SNTG1: variants seen among roughly 807,000 people sequenced by gnomAD.
SNTG1 encodes the protein gamma-1-syntrophin.
A neutral mutation model predicts 74.7 loss-of-function variants in SNTG1; 39 were observed. That is an observed-to-expected ratio of 0.52 (90% CI 0.40 to 0.68). The LOEUF is 0.68. Among genes scored for constraint, SNTG1 ranks in the 30% least tolerant of loss-of-function variants. The pLI is 0.00. For missense variants in SNTG1, 685 were observed against 609.5 expected, an observed-to-expected ratio of 1.12 and a Z score of -1.30; for synonymous variants, 254 against 217.1, an observed-to-expected ratio of 1.17 and a Z score of -1.49.
chr8:49,923,594 A>G (rs2129346232), intron 1 of SNTG1, among the ~76,000 whole-genome samples: 1 of 152,256 alleles, frequency 6.6e-6, no homozygotes, highest in East Asian at 1.9e-4. Context: ...GAGTCCTAGG[A>G]GGAAGATGGC....
chr8:50,546,137 A>T (rs1413960457), intron 11 of SNTG1, among the ~76,000 whole-genome samples: 5 of 152,142 alleles, frequency 3.3e-5, no homozygotes, highest in African/African-American at 1.2e-4. Context: ...GAAAGAGTAG[A>T]TTGTATCAAC....
At position 50,757,421 on chromosome 8, in the gene SNTG1, G is replaced by A. The variant is rs75499549; in HGVS notation, c.1395+5310G>A. 1.8e-3 allele frequency among the ~76,000 whole-genome samples: 271 copies of A among 151,782 alleles called. 2 individuals are homozygous for A. The highest frequency in any genetic ancestry group is 3.2e-3 in the Non-Finnish European group (215 of 67,788). ...TTTTTTGGATAATTTATTTACCGTT[G>A]CTTAATGTCCCTCTTTTTCCCTAAA... On this transcript the variant is annotated intron_variant, in intron 18 of 18. Transcript: ENST00000642720.
chr8:50,441,860 T>C (rs1482054866), intron 5 of SNTG1, among the ~76,000 whole-genome samples: 1 of 152,178 alleles, frequency 6.6e-6, no homozygotes, highest in African/African-American at 2.4e-5. Context: ...AATTACTGAT[T>C]TATCTTCATG....
chr8:50,481,933 G>A (rs1420399663), intron 8 of SNTG1, among the ~76,000 whole-genome samples: 1 of 152,186 alleles, frequency 6.6e-6, no homozygotes, highest in African/African-American at 2.4e-5. Context: ...TCCCAGCAGT[G>A]AATGGAAACA....
intron 1 of SNTG1, among the ~76,000 whole-genome samples, chr8:50,043,593 G>A (rs910657527): frequency 6.6e-6 from 1 of 152,176 alleles, no homozygotes; most frequent in African/African-American, 2.4e-5. Flanking sequence ...TCTTGAAGCT[G>A]ACTATGCGTT....
intron 1 of SNTG1, among the ~76,000 whole-genome samples, chr8:50,147,446 G>A (rs1170998477): frequency 6.6e-6 from 1 of 152,068 alleles, no homozygotes; most frequent in East Asian, 1.9e-4. Flanking sequence ...TACCTTATTT[G>A]GAAAACTTGT....
intron 1 of SNTG1, among the ~76,000 whole-genome samples, chr8:49,988,983 T>C (rs1813429909): frequency 6.6e-6 from 1 of 151,996 alleles, no homozygotes; most frequent in Non-Finnish European, 1.5e-5. Flanking sequence ...CACAAAAATG[T>C]CATAAATTCT....
chr8:50,393,088 ATAAT>A lies in SNTG1; in HGVS notation c.-27-1120_-27-1117del, dbSNP rs1417398392. 4.6e-5 allele frequency among the ~76,000 whole-genome samples: 7 copies of A among 152,274 alleles called. No homozygotes were observed. The South Asian group carries it at 8.3e-4, about 18-fold the overall frequency. ...AAATGTTTAAGAGCAATTTTGAAAA[ATAAT>A]TAAGTTAGTAATAAAAATTTCATTA... On this transcript the variant is annotated intron_variant, in intron 2 of 18. Coordinates refer to ENST00000642720, the MANE Select transcript of SNTG1 (RefSeq NM_018967.5).
chr8:50,163,439 C>T (rs1208609000), intron 1 of SNTG1: 6 of 147,714 alleles, frequency 4.1e-5, no homozygotes, highest in South Asian at 2.2e-4. Flanking sequence ...AATAAACAAA[C>T]TAAGTATTAC....
intron 18 of SNTG1, 106 bp downstream of exon 18, chr8:50,752,217 T>G: frequency 1.9e-6 from 1 of 516,900 alleles, no homozygotes. Flanking sequence ...ACACACATTC[T>G]CTGCTCATCT....
chr8:50,264,069 C>T (rs1242717759), intron 2 of SNTG1, among the ~76,000 whole-genome samples: 1 of 152,098 alleles, frequency 6.6e-6, no homozygotes, highest in Non-Finnish European at 1.5e-5. Context: ...AAACATTAAG[C>T]ATTCTCGAAT....
chr8:50,281,832 C>G (rs752781418), intron 2 of SNTG1, among the ~76,000 whole-genome samples: 1 of 152,090 alleles, frequency 6.6e-6, no homozygotes, highest in East Asian at 1.9e-4. Context: ...AGCAATTGAA[C>G]GTATAGGATC....
intron 1 of SNTG1, among the ~76,000 whole-genome samples, chr8:49,919,876 G>C (rs866585928): frequency 5.9e-5 from 9 of 152,072 alleles, no homozygotes; most frequent in African/African-American, 2.2e-4. Flanking sequence ...TAAAACTCCC[G>C]AAAGTAGATT....
chr8:50,162,581 A>C (rs2082461224), intron 1 of SNTG1, among the ~76,000 whole-genome samples: 1 of 151,188 alleles, frequency 6.6e-6, no homozygotes, highest in Non-Finnish European at 1.5e-5. Flanking sequence ...AAAAAAAGAA[A>C]AAAAAAGAAA....
At chr8:50,170,559 G>A (rs1040511973) in intron 1 of SNTG1, among the ~76,000 whole-genome samples, 30 of 152,056 alleles carry the variant, frequency 2.0e-4, no homozygotes, top group African/African-American at 7.2e-4. Context: ...TCGTGTATTG[G>A]TTATCTATTG....
chr8:50,320,063 C>T lies in SNTG1; in HGVS notation c.-27-74149C>T, dbSNP rs188250265. 2.0e-3 allele frequency among the ~76,000 whole-genome samples: 307 copies of T among 152,278 alleles called. 1 individual carries two copies. The highest frequency in any genetic ancestry group is 7.0e-3 in the African/African-American group (292 of 41,564). Reference sequence around the variant, plus strand: ...AAGTATTTGCTCTTCCTCTGTGTTTCAGAACAGTTTGAGTAGGATTGGTGT... The same window carrying T: ...AAGTATTTGCTCTTCCTCTGTGTTTTAGAACAGTTTGAGTAGGATTGGTGT... On this transcript the variant is annotated intron_variant, in intron 2 of 18. Transcript: ENST00000642720.
chr8:50,374,697 T>C (rs1325165789), intron 2 of SNTG1, among the ~76,000 whole-genome samples: 1 of 152,214 alleles, frequency 6.6e-6, no homozygotes, highest in Non-Finnish European at 1.5e-5. Flanking sequence ...CCTCAGCCTT[T>C]TTTCATGCCC....
At chr8:50,289,102 T>C (rs1440792759) in intron 2 of SNTG1, among the ~76,000 whole-genome samples, 3 of 152,200 alleles carry the variant, frequency 2.0e-5, no homozygotes, top group Non-Finnish European at 4.4e-5. Context: ...ATGGTAATGT[T>C]CAACCTTTAG....
At chr8:49,998,169 C>G (rs1055919751) in intron 1 of SNTG1, among the ~76,000 whole-genome samples, 1 of 152,046 alleles carries the variant, frequency 6.6e-6, no homozygotes, top group South Asian at 2.1e-4. Flanking sequence ...TAAAGTACAG[C>G]AAAAATACAG....
Sources: gnomAD v4.1 joint callset for allele counts (sites outside exome capture counted in the v4.1 genomes callset) on GRCh38, gnomAD v4.1.1 for gene constraint, MANE v1.5 for transcripts, NCBI Gene and HGNC (gene_info 2026-07-23, HGNC 2026-07-21) for gene names.